Variants in PTPRD observed in about 807,000 individuals in gnomAD.
PTPRD encodes receptor-type tyrosine-protein phosphatase delta.
PTPRD carries 34 observed loss-of-function variants against 214.5 expected under a neutral mutation model. That is an observed-to-expected ratio of 0.16 (90% confidence interval 0.12 to 0.21). PTPRD has a LOEUF of 0.21. Among genes scored for constraint, PTPRD ranks in the 10% least tolerant of loss-of-function variants. The pLI is 1.00. For synonymous variants in PTPRD, 1,128 were observed against 845.7 expected, an observed-to-expected ratio of 1.33 and a Z score of -5.79; for missense variants, 2,545 against 2,398.7, an observed-to-expected ratio of 1.06 and a Z score of -1.27.
chr9:8,594,447 G>A (rs1411093751), intron 14 of PTPRD, among the ~76,000 whole-genome samples: 1 of 151,920 alleles, frequency 6.6e-6, no homozygotes, highest in Non-Finnish European at 1.5e-5. Flanking sequence ...ATAAATCCTG[G>A]CAAACAACTC....
At chr9:10,293,019 C>T (rs2095573189) in intron 3 of PTPRD, among the ~76,000 whole-genome samples, 1 of 151,864 alleles carries the variant, frequency 6.6e-6, no homozygotes, top group African/African-American at 2.4e-5. Context: ...AATAATTTCT[C>T]ATAAACTGGA....
At chr9:10,224,881 T>G (rs1174396396) in intron 3 of PTPRD, among the ~76,000 whole-genome samples, 1 of 152,084 alleles carries the variant, frequency 6.6e-6, no homozygotes, top group Non-Finnish European at 1.5e-5. Flanking sequence ...TAATAACATT[T>G]TCTTTTCTCT....
intron 8 of PTPRD, among the ~76,000 whole-genome samples, chr9:9,466,933 T>C (rs1041336120): frequency 2.0e-5 from 3 of 152,126 alleles, no homozygotes; most frequent in Non-Finnish European, 4.4e-5. Context: ...AAATATACCA[T>C]GTTATAATTT....
intron 40 of PTPRD, 106 bp from the exon 41 acceptor site, chr9:8,341,374 G>T: frequency 8.1e-7 from 1 of 1,234,188 alleles, no homozygotes; most frequent in Non-Finnish European, 1.1e-6. Context: ...TAAATCTTTT[G>T]TTTACTTAAA....
At chr9:10,164,214 T>G (rs939448183) in intron 3 of PTPRD, among the ~76,000 whole-genome samples, 3 of 151,594 alleles carry the variant, frequency 2.0e-5, no homozygotes, top group Non-Finnish European at 4.4e-5. Context: ...TCTTCAGGTT[T>G]TCATTTCCAC....
At chr9:8,616,005 T>C (rs1328282531) in intron 14 of PTPRD, among the ~76,000 whole-genome samples, 1 of 152,150 alleles carries the variant, frequency 6.6e-6, no homozygotes, top group Non-Finnish European at 1.5e-5. Context: ...TTTTCTATTA[T>C]TCAGACATTT....
At chr9:8,401,942 A>G (rs748234823) in intron 36 of PTPRD, among the ~76,000 whole-genome samples, 1 of 152,204 alleles carries the variant, frequency 6.6e-6, no homozygotes, top group Non-Finnish European at 1.5e-5. Context: ...AAGTCACTTA[A>G]TATTTCAGTA....
intron 3 of PTPRD, among the ~76,000 whole-genome samples, chr9:10,335,040 T>A (rs774414881): frequency 2.6e-5 from 4 of 151,618 alleles, no homozygotes; most frequent in African/African-American, 9.7e-5. Context: ...TGTAATGCAA[T>A]CCCAATCAAA....
At chr9:8,434,779 C>T (rs10977096) in intron 35 of PTPRD, among the ~76,000 whole-genome samples, 11,572 of 151,980 alleles carry the variant, frequency 0.076, 871 homozygotes, top group African/African-American at 0.19. Context: ...TTATGGTGCC[C>T]CAGGTGCTAT....
chr9:10,288,156 G>C (rs1210623727), intron 3 of PTPRD, among the ~76,000 whole-genome samples: 1 of 101,960 alleles, frequency 9.8e-6, no homozygotes, highest in East Asian at 3.5e-4. Flanking sequence ...AGAAAAAATT[G>C]GGGGTGGGGG....
chr9:8,743,715 C>A (rs1229592753), intron 11 of PTPRD, among the ~76,000 whole-genome samples: 1 of 151,538 alleles, frequency 6.6e-6, no homozygotes, highest in African/African-American at 2.4e-5. Flanking sequence ...GACCAAGAAC[C>A]CAATAGCAAA....
intron 2 of PTPRD, among the ~76,000 whole-genome samples, chr9:10,527,374 G>C (rs1458934612): frequency 6.6e-6 from 1 of 152,122 alleles, no homozygotes; most frequent in East Asian, 1.9e-4. Context: ...ACACACCTGG[G>C]AGGTCTGTTT....
At position 10,060,889 on chromosome 9, in the gene PTPRD, CTTCCTTCCTTCTTTCTTTCTTTCT is replaced by C. The variant is rs1418574581; in HGVS notation, c.-544-27123_-544-27100del. ...CCTTCTTTCCTTCCTTCCTTCCTTC[CTTCCTTCCTTCTTTCTTTCTTTCT>C]TTCTTTCTTTCTTTCTTTCTTTCTT... On this transcript the variant is annotated intron_variant, in intron 3 of 45. Coordinates refer to ENST00000381196, the MANE Select transcript of PTPRD (RefSeq NM_002839.4). Among the ~76,000 whole-genome samples the C allele has an allele frequency of 1.2e-4, 9 of 76,390 alleles. No individual in the cohort carries two copies. In the African/African-American group the frequency reaches 1.3e-3, roughly 11 times the overall value. 50.1% of individuals were successfully genotyped at this position (76,390 alleles called of 152,430 possible). A position where few individuals can be genotyped will look rare whatever the true frequency, so the allele number is the denominator to read the frequency against.
At chr9:10,481,059 G>A (rs2099094399) in intron 2 of PTPRD, among the ~76,000 whole-genome samples, 1 of 150,324 alleles carries the variant, frequency 6.7e-6, no homozygotes, top group African/African-American at 2.4e-5. Flanking sequence ...AAACAGTTCT[G>A]TTTGTTATAG....
intron 11 of PTPRD, among the ~76,000 whole-genome samples, chr9:8,834,979 A>G (rs2154530902): frequency 6.6e-6 from 1 of 152,298 alleles, no homozygotes; most frequent in African/African-American, 2.4e-5. Flanking sequence ...TTGCCTAAAG[A>G]GGTTGGCATG....
chr9:9,883,151 C>T (rs919146585), intron 5 of PTPRD, among the ~76,000 whole-genome samples: 2 of 152,102 alleles, frequency 1.3e-5, no homozygotes, highest in Middle Eastern at 3.4e-3. Flanking sequence ...AATGAACAAA[C>T]CCCCCAAGAG....
chr9:8,951,290 CCTT>C (rs1293932727), intron 11 of PTPRD, among the ~76,000 whole-genome samples: 3 of 147,596 alleles, frequency 2.0e-5, no homozygotes, highest in African/African-American at 5.0e-5. Flanking sequence ...ATGGACCACT[CCTT>C]CTTAATTATT....
At chr9:8,407,175 C>T (rs1395089794) in intron 35 of PTPRD, among the ~76,000 whole-genome samples, 2 of 152,114 alleles carry the variant, frequency 1.3e-5, no homozygotes, top group Admixed American at 6.6e-5. Flanking sequence ...AGATAATACG[C>T]TTAGGTTCAA....
chr9:10,197,384 T>G (rs1042938094), intron 3 of PTPRD, among the ~76,000 whole-genome samples: 2 of 152,102 alleles, frequency 1.3e-5, no homozygotes, highest in African/African-American at 4.8e-5. Flanking sequence ...AGAATAGAAA[T>G]GTGAGATCAT....
Sources: gnomAD v4.1 joint callset for allele counts (sites outside exome capture counted in the v4.1 genomes callset) on GRCh38, gnomAD v4.1.1 for gene constraint, MANE v1.5 for transcripts, NCBI Gene and HGNC (gene_info 2026-07-23, HGNC 2026-07-21) for gene names.